MAGI1: variants seen among roughly 807,000 people sequenced by gnomAD.
The protein encoded by MAGI1 is membrane-associated guanylate kinase, WW and PDZ domain-containing protein 1.
In MAGI1, 58 loss-of-function variants were observed where a neutral mutation model predicts 139.9. The ratio of observed to expected loss-of-function variants is 0.41; its 90% confidence interval spans 0.34 to 0.52. The LOEUF (loss-of-function observed/expected upper bound fraction) is 0.52. Among genes scored for constraint, MAGI1 ranks in the 20% least tolerant of loss-of-function variants. The pLI is 0.12. For missense variants in MAGI1, 1,874 were observed against 1,901.6 expected, an observed-to-expected ratio of 0.99 and a Z score of 0.27; for synonymous variants, 812 against 737.9, an observed-to-expected ratio of 1.10 and a Z score of -1.63.
intron 1 of MAGI1, among the ~76,000 whole-genome samples, chr3:65,694,919 T>C (rs1388538967): frequency 6.6e-6 from 1 of 152,202 alleles, no homozygotes; most frequent in Non-Finnish European, 1.5e-5. Flanking sequence ...ACTGAATTAC[T>C]TTTTTTGTGT....
At chr3:65,466,617 T>C (rs1950191055) in intron 5 of MAGI1, among the ~76,000 whole-genome samples, 1 of 152,140 alleles carries the variant, frequency 6.6e-6, no homozygotes, top group Admixed American at 6.5e-5. Context: ...TCTTCACCAT[T>C]GGATGGGGGT....
intron 1 of MAGI1, among the ~76,000 whole-genome samples, chr3:65,889,770 G>C (rs1559981203): frequency 6.6e-6 from 1 of 152,156 alleles, no homozygotes; most frequent in Non-Finnish European, 1.5e-5. Context: ...TCATAGTATG[G>C]GGGCATGGGG....
At chr3:65,579,334 C>A (rs2081314515) in intron 2 of MAGI1, among the ~76,000 whole-genome samples, 1 of 152,084 alleles carries the variant, frequency 6.6e-6, no homozygotes, top group Non-Finnish European at 1.5e-5. Context: ...GTGGTGGGAC[C>A]ATTTGATCCC....
chr3:65,679,637 G>A (rs2087439687), intron 1 of MAGI1, among the ~76,000 whole-genome samples: 1 of 152,122 alleles, frequency 6.6e-6, no homozygotes, highest in African/African-American at 2.4e-5. Context: ...CCAGGGCACA[G>A]AAACACAGAA....
chr3:65,810,088 G>T (rs183078441), intron 1 of MAGI1, among the ~76,000 whole-genome samples: 3 of 152,210 alleles, frequency 2.0e-5, no homozygotes, highest in Non-Finnish European at 4.4e-5. Flanking sequence ...AAGTATGACA[G>T]AACTATGAGC....
At chr3:65,930,409 C>G (rs2062755875) in intron 1 of MAGI1, among the ~76,000 whole-genome samples, 1 of 151,426 alleles carries the variant, frequency 6.6e-6, no homozygotes, top group Non-Finnish European at 1.5e-5. Flanking sequence ...ACTAACTTCC[C>G]CAAATAAGAT....
At position 65,354,473 on chromosome 3, in the gene MAGI1, C is replaced by A. The variant is rs1940115314; in HGVS notation, c.*1905G>T. On this transcript the variant is annotated 3_prime_UTR_variant, in exon 23 of 23. Coordinates refer to ENST00000402939, the MANE Select transcript of MAGI1 (RefSeq NM_001033057.2). Reference sequence around the variant, plus strand: ...AGTGTTTTATAAAAAGATTGGCCCACATACTGCTTTTCATCAATACAGAAA... The same window carrying A: ...AGTGTTTTATAAAAAGATTGGCCCAAATACTGCTTTTCATCAATACAGAAA... 6.6e-6 allele frequency: 1 copy of A among 152,632 alleles called. No homozygotes were observed. Among genetic ancestry groups the A allele is most frequent in the South Asian group, 2.1e-4 (1 of 4,832 alleles). The allele number at this position is 152,632 out of a possible 1,614,324, so 9.5% of individuals were successfully genotyped here.
intron 12 of MAGI1, among the ~76,000 whole-genome samples, chr3:65,428,828 T>C (rs1947262253): frequency 6.6e-6 from 1 of 152,138 alleles, no homozygotes; most frequent in Non-Finnish European, 1.5e-5. Context: ...GGGAGCTACT[T>C]TAGATAAAGT....
intron 1 of MAGI1, among the ~76,000 whole-genome samples, chr3:65,663,273 A>C (rs952882182): frequency 2.0e-5 from 3 of 152,180 alleles, no homozygotes; most frequent in African/African-American, 7.2e-5. Flanking sequence ...AAGGATATTT[A>C]TGTATATTTA....
intron 2 of MAGI1, among the ~76,000 whole-genome samples, chr3:65,530,791 GTA>G (rs368893697): frequency 0.34 from 20,805 of 60,720 alleles, 3,492 homozygotes; most frequent in Middle Eastern, 0.49. Flanking sequence ...ATATATACAC[GTA>G]TATATATATA....
intron 1 of MAGI1, among the ~76,000 whole-genome samples, chr3:65,905,553 A>C (rs1171580029): frequency 6.6e-6 from 1 of 151,994 alleles, no homozygotes; most frequent in Non-Finnish European, 1.5e-5. Context: ...TGTCGCCCAC[A>C]TCAGTCTTGA....
intron 2 of MAGI1, among the ~76,000 whole-genome samples, chr3:65,495,796 AGG>A (rs1217878507): frequency 5.9e-5 from 9 of 152,056 alleles, no homozygotes; most frequent in African/African-American, 2.2e-4. Context: ...CTAATAGAAA[AGG>A]TGATGGGGAA....
chr3:65,792,227 A>G (rs1323856666), intron 1 of MAGI1, among the ~76,000 whole-genome samples: 3 of 152,120 alleles, frequency 2.0e-5, no homozygotes, highest in Non-Finnish European at 4.4e-5. Context: ...CACTTTGGGA[A>G]GCTGAGGCGA....
chr3:65,455,632 G>C (rs943393512), intron 5 of MAGI1, among the ~76,000 whole-genome samples: 1 of 152,188 alleles, frequency 6.6e-6, no homozygotes, highest in Non-Finnish European at 1.5e-5. Context: ...AGCTACTGGA[G>C]AGGCTGAGGT....
At chr3:65,626,849 G>C (rs2083997096) in intron 1 of MAGI1, among the ~76,000 whole-genome samples, 1 of 152,222 alleles carries the variant, frequency 6.6e-6, no homozygotes, top group African/African-American at 2.4e-5. Context: ...TGTACATTTT[G>C]GCATCTAATC....
chr3:65,884,297 G>A lies in MAGI1; in HGVS notation c.313+153699C>T, dbSNP rs143553137. ...TGACACTGTGCATATAGCACATAGCGATACTGTGCATGAGGTATCCAAGTG... is the reference window on the plus strand; with the variant it reads ...TGACACTGTGCATATAGCACATAGCAATACTGTGCATGAGGTATCCAAGTG... On this transcript the variant is annotated intron_variant, in intron 1 of 22. Transcript: ENST00000402939. Among the ~76,000 whole-genome samples, 231 of 152,318 alleles carry A rather than the reference G, an allele frequency of 1.5e-3. 3 individuals are homozygous for A. The highest frequency in any genetic ancestry group is 6.9e-4 in the Non-Finnish European group (47 of 68,030).
intron 1 of MAGI1, among the ~76,000 whole-genome samples, chr3:65,986,667 T>C (rs1324850252): frequency 6.6e-6 from 1 of 152,190 alleles, no homozygotes; most frequent in Non-Finnish European, 1.5e-5. Flanking sequence ...GGGTTGTTAT[T>C]CGTGTTTGAA....
intron 1 of MAGI1, among the ~76,000 whole-genome samples, chr3:65,747,921 G>A (rs2035834822): frequency 6.6e-6 from 1 of 152,172 alleles, no homozygotes; most frequent in South Asian, 2.1e-4. Flanking sequence ...CAGGGGTGGT[G>A]GGCAGAGAAG....
intron 1 of MAGI1, among the ~76,000 whole-genome samples, chr3:66,002,858 G>A (rs72910949): frequency 6.6e-6 from 1 of 152,128 alleles, no homozygotes; most frequent in South Asian, 2.1e-4. Context: ...CACTTCAAAG[G>A]TGGCCTTCCT....
Sources: allele counts gnomAD v4.1 joint callset (sites outside exome capture counted in the v4.1 genomes callset), GRCh38; gene constraint gnomAD v4.1.1; transcripts MANE v1.5; gene names NCBI Gene and HGNC (gene_info 2026-07-23, HGNC 2026-07-21).